Variants in MERTK observed in about 807,000 individuals in gnomAD.
The protein encoded by MERTK is tyrosine-protein kinase Mer.
MERTK carries 69 observed loss-of-function variants against 99.3 expected under a neutral mutation model. The observed-to-expected ratio is 0.70, with a 90% confidence interval of 0.57 to 0.85. The LOEUF (loss-of-function observed/expected upper bound fraction) is 0.85. MERTK is among the 40% of genes least tolerant of loss of function. MERTK has a pLI of 0.00. For synonymous variants in MERTK, 426 were observed against 467.6 expected, an observed-to-expected ratio of 0.91 and a Z score of 1.15; for missense variants, 1,125 against 1,249.4, an observed-to-expected ratio of 0.90 and a Z score of 1.50.
At position 111,947,489 on chromosome 2, in the gene MERTK, G is replaced by A. The variant is rs752330878; in HGVS notation, c.679G>A (p.Val227Ile). ...TCQAVGPPEPVNIFWVQNSSR... is the reference protein window; with the variant it reads ...TCQAVGPPEPINIFWVQNSSR... ...TCAGGCTGTGGGCCCGCCTGAGCCC[G>A]TCAACATTTTCTGGGTTCAAAACAG... The change falls in exon 4 of 19, where the codon GTC becomes ATC. Residue 227 changes from valine (V) to isoleucine (I), a missense_variant. By Grantham distance (29) the Val-to-Ile change is conservative (BLOSUM62 3). Coordinates refer to ENST00000295408, the MANE Select transcript of MERTK (RefSeq NM_006343.3). 1.3e-5 allele frequency: 21 copies of A among 1,614,026 alleles called. No individual in the cohort carries two copies. Among genetic ancestry groups the A allele is most frequent in the East Asian group, 1.1e-4 (5 of 44,892 alleles).
At chr2:112,006,712 C>T (rs1346991817) in intron 13 of MERTK, among the ~76,000 whole-genome samples, 2 of 152,162 alleles carry the variant, frequency 1.3e-5, no homozygotes, top group African/African-American at 2.4e-5. Flanking sequence ...TCCCCAGGCT[C>T]AGCTACATTT....
intron 8 of MERTK, 61 bp downstream of exon 8, chr2:111,983,054 C>T (rs1670549507): frequency 6.2e-7 from 1 of 1,600,884 alleles, no homozygotes; most frequent in East Asian, 2.2e-5. Flanking sequence ...TGGTTTACTT[C>T]AGTTTTAGAA....
intron 8 of MERTK, among the ~76,000 whole-genome samples, chr2:111,992,181 G>C (rs1026662385): frequency 3.3e-5 from 5 of 152,130 alleles, no homozygotes; most frequent in Non-Finnish European, 7.3e-5. Flanking sequence ...AGAAGAATCT[G>C]AACAGATAGG....
chr2:111,936,119 T>A (rs1008286889), intron 2 of MERTK, among the ~76,000 whole-genome samples: 2 of 152,244 alleles, frequency 1.3e-5, no homozygotes, highest in South Asian at 2.1e-4. Context: ...AGTTTCATGG[T>A]GTTAGCCAGG....
chr2:111,975,541 C>T lies in MERTK; in HGVS notation c.1144+69C>T, dbSNP rs115784451. Reference sequence around the variant, plus strand: ...TGATTCAACAAACCCTTCCCAGTGGCCTGACTGAGAGTTGAAACTTTGCTT... The same window carrying T: ...TGATTCAACAAACCCTTCCCAGTGGTCTGACTGAGAGTTGAAACTTTGCTT... On this transcript the variant is annotated intron_variant, in intron 7 of 18. Transcript: ENST00000295408. 5.4e-4 allele frequency: 825 copies of T among 1,522,732 alleles called. 3 individuals are homozygous for T. The highest frequency in any genetic ancestry group is 7.0e-4 in the Non-Finnish European group (772 of 1,098,442). The allele number at this position is 1,522,732 out of a possible 1,614,324, so 94.3% of individuals were successfully genotyped here. A position where few individuals can be genotyped will look rare whatever the true frequency, so the allele number is the denominator to read the frequency against.
At chr2:111,944,380 C>T (rs1684919810) in intron 2 of MERTK, among the ~76,000 whole-genome samples, 1 of 143,214 alleles carries the variant, frequency 7.0e-6, no homozygotes, top group Non-Finnish European at 1.5e-5. Flanking sequence ...GAAACCGAAC[C>T]TATAGGATCT....
chr2:111,925,275 G>GAT (rs201320082), intron 1 of MERTK, among the ~76,000 whole-genome samples: 1,911 of 52,030 alleles, frequency 0.037, 250 homozygotes, highest in African/African-American at 0.052. Flanking sequence ...GTACAGATCA[G>GAT]ATATATATAT....
At position 112,029,326 on chromosome 2, in the gene MERTK, T is replaced by G. The variant is rs948103851; in HGVS notation, c.*462T>G. The stretch of plus-strand genomic sequence containing the variant: ...CAATGTTTAAAGTTGTATAACTGAT[T>G]AATTTTCTGATATGGCTTCCTAATA... On this transcript the variant is annotated 3_prime_UTR_variant, in exon 19 of 19. Transcript: ENST00000295408. 22 of 945,148 alleles carry G rather than the reference T, an allele frequency of 2.3e-5. No homozygotes were observed. In the East Asian group the frequency reaches 1.3e-3, roughly 54 times the overall value. 58.5% of individuals were successfully genotyped at this position (945,148 alleles called of 1,614,324 possible).
intron 1 of MERTK, among the ~76,000 whole-genome samples, chr2:111,901,256 G>A (rs1231391986): frequency 6.6e-6 from 1 of 152,188 alleles, no homozygotes; most frequent in African/African-American, 2.4e-5. Flanking sequence ...AATGCATTAT[G>A]AGGACTTAGC....
chr2:111,937,730 T>A (rs1417157700), intron 2 of MERTK, among the ~76,000 whole-genome samples: 2 of 152,196 alleles, frequency 1.3e-5, no homozygotes, highest in Non-Finnish European at 2.9e-5. Context: ...GAAAAGCTGT[T>A]ATTAACCACA....
chr2:111,947,627 T>G (rs942503986), intron 4 of MERTK, 60 bp downstream of exon 4: 9 of 1,595,904 alleles, frequency 5.6e-6, no homozygotes, highest in Non-Finnish European at 7.7e-6. Flanking sequence ...ATCAAAAGTT[T>G]GGCGACCCTT....
At chr2:111,990,770 A>T (rs1676600142) in intron 8 of MERTK, among the ~76,000 whole-genome samples, 1 of 152,226 alleles carries the variant, frequency 6.6e-6, no homozygotes, top group Non-Finnish European at 1.5e-5. Flanking sequence ...TCAGTGCTCA[A>T]AAAGTTTTGG....
intron 1 of MERTK, among the ~76,000 whole-genome samples, chr2:111,903,531 C>T (rs1474996726): frequency 6.6e-6 from 1 of 152,360 alleles, no homozygotes; most frequent in African/African-American, 2.4e-5. Context: ...ACTCCTTGCT[C>T]AGGGGCAGGT....
intron 14 of MERTK, among the ~76,000 whole-genome samples, chr2:112,008,967 A>G (rs1423778507): frequency 1.3e-5 from 2 of 152,250 alleles, no homozygotes; most frequent in Non-Finnish European, 2.9e-5. Context: ...TCCATAGAAC[A>G]TGATTTAACG....
At chr2:111,918,238 C>G (rs1684388359) in intron 1 of MERTK, among the ~76,000 whole-genome samples, 1 of 152,130 alleles carries the variant, frequency 6.6e-6, no homozygotes, top group South Asian at 2.1e-4. Context: ...ATTCTTTGTT[C>G]TCTGTTACTT....
At chr2:111,974,789 A>AAAAG (rs1166418829) in intron 6 of MERTK, among the ~76,000 whole-genome samples, 15 of 140,910 alleles carry the variant, frequency 1.1e-4, no homozygotes, top group Non-Finnish European at 1.1e-4. Context: ...AAAAAAAAAA[A>AAAAG]AAAGAAAGAA....
At chr2:112,022,235 A>G in intron 17 of MERTK, 23 bp from the exon 18 acceptor site, 1 of 1,614,208 alleles carries the variant, frequency 6.2e-7, no homozygotes, top group South Asian at 1.1e-5. Flanking sequence ...TTGCATCCTA[A>G]CTTGTTGTTG....
At chr2:111,911,127 C>T (rs966319545) in intron 1 of MERTK, among the ~76,000 whole-genome samples, 1 of 152,094 alleles carries the variant, frequency 6.6e-6, no homozygotes, top group Non-Finnish European at 1.5e-5. Context: ...GGCAAGTTGC[C>T]ACCCTGAATG....
Position 112,028,465 on chromosome 2 carries a change from A to C in MERTK, c.2601A>C (p.Gln867His). 6.2e-7 allele frequency: 1 copy of C among 1,614,184 alleles called. No homozygotes were observed. Among genetic ancestry groups the C allele is most frequent in the Non-Finnish European group, 8.5e-7 (1 of 1,180,038 alleles). Residue 867 changes from glutamine (Q) to histidine (H), a missense_variant, in exon 19 of 19, where the codon CAA (glutamine) becomes CAC (histidine). Gln to His is a conservative substitution (Grantham distance 24, BLOSUM62 0). Coordinates refer to ENST00000295408, the MANE Select transcript of MERTK (RefSeq NM_006343.3). ...LLESLPDVRNQADVIYVNTQL... is the reference protein window; with the variant it reads ...LLESLPDVRNHADVIYVNTQL... ...AAAGTTTGCCTGACGTTCGGAACCA[A>C]GCAGACGTTATTTACGTCAATACAC...
Sources: gnomAD v4.1 joint callset for allele counts (sites outside exome capture counted in the v4.1 genomes callset) on GRCh38, gnomAD v4.1.1 for gene constraint, MANE v1.5 for transcripts, NCBI Gene and HGNC (gene_info 2026-07-23, HGNC 2026-07-21) for gene names.